Variants in SASH1 observed in about 807,000 individuals in gnomAD.
SASH1 encodes SAM and SH3 domain-containing protein 1.
In SASH1, 44 loss-of-function variants were observed where a neutral mutation model predicts 125.2. That is an observed-to-expected ratio of 0.35 (90% confidence interval 0.28 to 0.45). The LOEUF is 0.45. Ranked by LOEUF, SASH1 falls within the 20% of genes least tolerant of loss-of-function variation. SASH1 has a pLI of 1.00. For missense variants in SASH1, 1,426 were observed against 1,614.5 expected, an observed-to-expected ratio of 0.88 and a Z score of 2.00; for synonymous variants, 639 against 649.1, an observed-to-expected ratio of 0.98 and a Z score of 0.24.
At chr6:148,326,330 A>G (rs1431106819) in intron 1 of SASH1, among the ~76,000 whole-genome samples, 1 of 60,510 alleles carries the variant, frequency 1.7e-5, no homozygotes, top group African/African-American at 7.4e-5. Flanking sequence ...ATGCATATAT[A>G]TATATATATA....
intron 1 of SASH1, among the ~76,000 whole-genome samples, chr6:148,358,956 T>G (rs1014058339): frequency 6.6e-6 from 1 of 151,978 alleles, no homozygotes; most frequent in Admixed American, 6.6e-5. Context: ...AGGATGGTCT[T>G]GATCTCCTGA....
intron 2 of SASH1, among the ~76,000 whole-genome samples, chr6:148,437,170 G>A (rs920992705): frequency 1.3e-5 from 2 of 152,174 alleles, no homozygotes; most frequent in African/African-American, 4.8e-5. Flanking sequence ...ACACTCATCA[G>A]TGTTATAATA....
chr6:148,326,489 C>A (rs373142089), intron 1 of SASH1, among the ~76,000 whole-genome samples: 1 of 147,902 alleles, frequency 6.8e-6, no homozygotes, highest in South Asian at 2.2e-4. Flanking sequence ...ACTGCAACCA[C>A]TGCCTCCCGG....
chr6:148,369,856 A>C (rs1782637652), intron 1 of SASH1, among the ~76,000 whole-genome samples: 1 of 150,298 alleles, frequency 6.7e-6, no homozygotes, highest in African/African-American at 2.4e-5. Flanking sequence ...CAGGAGGCTG[A>C]GGCATGAGAT....
intron 2 of SASH1, among the ~76,000 whole-genome samples, chr6:148,422,055 C>T (rs1210658002): frequency 6.6e-6 from 1 of 152,086 alleles, no homozygotes; most frequent in Non-Finnish European, 1.5e-5. Context: ...AGGAGAAGGC[C>T]CTCCTCTTGG....
chr6:148,515,698 G>T (rs551804964), intron 9 of SASH1, among the ~76,000 whole-genome samples: 5 of 152,122 alleles, frequency 3.3e-5, no homozygotes, highest in Admixed American at 2.0e-4. Flanking sequence ...ATACCTGCCC[G>T]CCAGTCGTGA....
chr6:148,485,557 G>T (rs1197350310), intron 7 of SASH1, among the ~76,000 whole-genome samples: 1 of 152,160 alleles, frequency 6.6e-6, no homozygotes, highest in African/African-American at 2.4e-5. Context: ...CTGTAAGACA[G>T]ATTTATCGTC....
chr6:148,216,916 C>T, the SASH1 span, among the ~76,000 whole-genome samples: 4 of 151,826 alleles, frequency 2.6e-5, no homozygotes, highest in African/African-American at 7.2e-5. Context: ...TTAGTAGAGA[C>T]GGGTTTCACC....
intron 2 of SASH1, among the ~76,000 whole-genome samples, chr6:148,409,530 C>T (rs561518626): frequency 1.1e-4 from 16 of 152,320 alleles, no homozygotes; most frequent in African/African-American, 3.6e-4. Context: ...ACCTTAGTGA[C>T]TTCAAGATTG....
chr6:148,526,292 G>C (rs1277571901), intron 11 of SASH1, among the ~76,000 whole-genome samples: 1 of 152,028 alleles, frequency 6.6e-6, no homozygotes, highest in Non-Finnish European at 1.5e-5. Flanking sequence ...TTGAACTCCT[G>C]ACCTTGTGAT....
At chr6:148,255,677 G>T in the SASH1 span, among the ~76,000 whole-genome samples, 3 of 151,808 alleles carry the variant, frequency 2.0e-5, no homozygotes, top group Admixed American at 2.0e-4. Flanking sequence ...TTTCCCCATT[G>T]CCCAGGCTGG....
intron 9 of SASH1, 84 bp downstream of exon 9, chr6:148,514,540 G>T (rs1045035112): frequency 7.5e-7 from 1 of 1,337,532 alleles, no homozygotes; most frequent in African/African-American, 1.7e-5. Flanking sequence ...CAGTTTCTCA[G>T]CAGAAAAGGG....
At chr6:148,361,914 CTTTTT>C (rs745596285) in intron 1 of SASH1, among the ~76,000 whole-genome samples, 1 of 125,512 alleles carries the variant, frequency 8.0e-6, no homozygotes, top group Non-Finnish European at 1.7e-5. Flanking sequence ...TTTTCTTTTT[CTTTTT>C]TTTTTTTTTT....
chr6:148,320,559 T>C (rs1780610987), intron 1 of SASH1, among the ~76,000 whole-genome samples: 1 of 152,228 alleles, frequency 6.6e-6, no homozygotes, highest in South Asian at 2.1e-4. Context: ...AAGAGGACAT[T>C]AGGAAGAACC....
chr6:148,509,544 C>T (rs1275687772), intron 8 of SASH1, among the ~76,000 whole-genome samples: 3 of 152,062 alleles, frequency 2.0e-5, no homozygotes, highest in East Asian at 1.9e-4. Flanking sequence ...TGGTCTCAAG[C>T]GGTCCTCCAA....
At chr6:148,281,200 C>T (rs1232323908) in intron 1 of SASH1, among the ~76,000 whole-genome samples, 1 of 148,224 alleles carries the variant, frequency 6.7e-6, no homozygotes, top group African/African-American at 2.5e-5. Flanking sequence ...TCAAGTGATC[C>T]TCCTGCCATG....
chr6:148,206,273 T>G, the SASH1 span, among the ~76,000 whole-genome samples: 1 of 152,118 alleles, frequency 6.6e-6, no homozygotes, highest in Admixed American at 6.5e-5. Context: ...AAACATACCT[T>G]CATAATGGAT....
At chr6:148,443,066 G>C (rs374423942) in intron 4 of SASH1, among the ~76,000 whole-genome samples, 1 of 149,964 alleles carries the variant, frequency 6.7e-6, no homozygotes, top group Admixed American at 6.7e-5. Context: ...ATGAGCCACC[G>C]TGCCAGCTGT....
chr6:148,355,736 A>G (rs531726052), intron 1 of SASH1, among the ~76,000 whole-genome samples: 11 of 152,324 alleles, frequency 7.2e-5, no homozygotes, highest in Non-Finnish European at 2.9e-5. Context: ...GAAGCTTACC[A>G]GGTCACATCC....
Sources: allele counts gnomAD v4.1 joint callset (sites outside exome capture counted in the v4.1 genomes callset), GRCh38; gene constraint gnomAD v4.1.1; transcripts MANE v1.5; gene names NCBI Gene and HGNC (gene_info 2026-07-23, HGNC 2026-07-21).